The following PLD1 variants were observed in gnomAD, a reference collection of about 807,000 sequenced individuals.
PLD1 encodes phospholipase D1.
Under a neutral mutation model 137.1 loss-of-function variants are expected in PLD1, and 112 were observed. The observed-to-expected ratio is 0.82, with a 90% CI of 0.70 to 0.96. The LOEUF (loss-of-function observed/expected upper bound fraction) is 0.96, where lower values mean the gene tolerates loss of function less well. PLD1 is among the 40% of genes least tolerant of loss of function. The pLI is 0.00. For missense variants in PLD1, 1,321 were observed against 1,342.0 expected, an observed-to-expected ratio of 0.98 and a Z score of 0.24; for synonymous variants, 431 against 454.7, an observed-to-expected ratio of 0.95 and a Z score of 0.66.
chr3:171,761,743 A>C (rs761068322), intron 1 of PLD1, among the ~76,000 whole-genome samples: 1 of 152,202 alleles, frequency 6.6e-6, no homozygotes, highest in African/African-American at 2.4e-5. Context: ...CATTCTGTGA[A>C]GAATGTTCCA....
chr3:171,699,921 C>T (rs1291645028), intron 11 of PLD1, 95 bp from the exon 12 acceptor site: 2 of 906,800 alleles, frequency 2.2e-6, no homozygotes, highest in Admixed American at 1.8e-5. Flanking sequence ...CCCAATTCAA[C>T]CCCATTATCA....
intron 1 of PLD1, among the ~76,000 whole-genome samples, chr3:171,738,634 T>C (rs1719555553): frequency 6.6e-6 from 1 of 152,190 alleles, no homozygotes; most frequent in Non-Finnish European, 1.5e-5. Flanking sequence ...AGAAAGGAGA[T>C]TTTGGCCATG....
intron 11 of PLD1, among the ~76,000 whole-genome samples, chr3:171,703,718 C>T (rs1716435595): frequency 6.6e-6 from 1 of 152,134 alleles, no homozygotes; most frequent in African/African-American, 2.4e-5. Context: ...TACCACCTAA[C>T]CAGTGGTAAG....
chr3:171,799,221 C>T, intron 1 of PLD1, among the ~76,000 whole-genome samples: 1 of 151,468 alleles, frequency 6.6e-6, no homozygotes, highest in Non-Finnish European at 1.5e-5. Context: ...AGCCTGTAAT[C>T]GCAGCTACTC....
chr3:171,742,738 A>G (rs1231938462), intron 1 of PLD1, among the ~76,000 whole-genome samples: 1 of 152,194 alleles, frequency 6.6e-6, no homozygotes, highest in Admixed American at 6.5e-5. Flanking sequence ...AACTGACTTG[A>G]TGCTCTCTGA....
At chr3:171,635,509 G>A (rs941789600) in intron 23 of PLD1, among the ~76,000 whole-genome samples, 2 of 152,064 alleles carry the variant, frequency 1.3e-5, no homozygotes, top group African/African-American at 4.8e-5. Context: ...TGAATTTCTA[G>A]TGACTAGTGA....
intron 6 of PLD1, among the ~76,000 whole-genome samples, chr3:171,732,950 T>C (rs1168827922): frequency 6.6e-6 from 1 of 152,172 alleles, no homozygotes; most frequent in Non-Finnish European, 1.5e-5. Flanking sequence ...GTTTTTTCTT[T>C]CCTAGCTTTT....
Position 171,810,465 on chromosome 3 carries a change from G to T in PLD1, c.-98C>A, listed in dbSNP as rs1724068933. 1 of 152,074 alleles carries T rather than the reference G, an allele frequency of 6.6e-6. No individual in the cohort carries two copies. The highest frequency in any genetic ancestry group is 2.4e-5 in the African/African-American group (1 of 41,298). 9.4% of individuals were successfully genotyped at this position (152,074 alleles called of 1,614,324 possible). On this transcript the variant is annotated 5_prime_UTR_variant, in exon 1 of 27. Transcript: ENST00000351298. ...GGACTCTCAGGGCTCGGGTGCCTCT[G>T]GCACAGCTGGAGCTCAGCGGGAGGG...
chr3:171,693,291 C>T (rs1157917819), intron 12 of PLD1, among the ~76,000 whole-genome samples: 6 of 152,172 alleles, frequency 3.9e-5, no homozygotes, highest in South Asian at 2.1e-4. Flanking sequence ...CTTCTTACGA[C>T]GTCTGCACAT....
At chr3:171,769,931 C>T (rs556374631) in intron 1 of PLD1, among the ~76,000 whole-genome samples, 9 of 152,266 alleles carry the variant, frequency 5.9e-5, no homozygotes, top group Non-Finnish European at 1.3e-4. Flanking sequence ...ACTAAAGCAT[C>T]CTTAAAGTAA....
At chr3:171,754,876 G>C (rs755223301) in intron 1 of PLD1, among the ~76,000 whole-genome samples, 2 of 152,092 alleles carry the variant, frequency 1.3e-5, no homozygotes, top group Non-Finnish European at 2.9e-5. Context: ...CATCCTATCT[G>C]GTGAGACAGC....
rs201050946 is a variant in PLD1, at chr3:171,737,567, C to T, written c.253G>A (p.Val85Ile). Reference protein sequence around the residue: ...YLSGCPIKAQVLEVERFTSTT... With the variant: ...YLSGCPIKAQILEVERFTSTT... Reference sequence around the variant, plus strand: ...GATGTGAAGCGTTCCACTTCCAGAACTTGTGCTTTTATTGGACAGCCGGAG... The same window carrying T: ...GATGTGAAGCGTTCCACTTCCAGAATTTGTGCTTTTATTGGACAGCCGGAG... The change falls in exon 3 of 27, where the codon GTT (valine) becomes ATT (isoleucine). Residue 85 changes from valine to isoleucine, a missense_variant. By Grantham distance (29) the Val-to-Ile change is conservative (BLOSUM62 3). Transcript: ENST00000351298. 21 of 1,612,830 alleles carry T rather than the reference C, an allele frequency of 1.3e-5. No individual in the cohort carries two copies. The East Asian group carries it at 4.5e-4, about 34-fold the overall frequency.
At chr3:171,692,212 C>A in intron 13 of PLD1, 120 bp downstream of exon 13, 1 of 580,164 alleles carries the variant, frequency 1.7e-6, no homozygotes. Context: ...GGACACAATG[C>A]TATTTGATCA....
intron 1 of PLD1, among the ~76,000 whole-genome samples, chr3:171,743,457 A>G (rs572277909): frequency 1.3e-5 from 2 of 152,226 alleles, no homozygotes; most frequent in Admixed American, 1.3e-4. Context: ...CATGGAAGGC[A>G]TTAGCCAGTC....
rs1490011664 is a variant in PLD1 at position 171,773,418 on chromosome 3, C to G, written c.-31-35336G>C. ...TCAGCCTGACCAACATGGTGAAACC[C>G]CATCTAAACCCCGTCTCTACTAAAA... On this transcript the variant is annotated intron_variant, in intron 1 of 26. Coordinates refer to ENST00000351298, the MANE Select transcript of PLD1 (RefSeq NM_002662.5). 2.6e-5 allele frequency among the ~76,000 whole-genome samples: 4 copies of G among 152,090 alleles called. No homozygotes were observed. The East Asian group carries it at 7.8e-4, about 30-fold the overall frequency.
At chr3:171,635,583 T>C (rs1193695869) in intron 23 of PLD1, among the ~76,000 whole-genome samples, 1 of 152,118 alleles carries the variant, frequency 6.6e-6, no homozygotes, top group Non-Finnish European at 1.5e-5. Flanking sequence ...AATACCTGTT[T>C]AGCTGCTTTG....
At chr3:171,627,929 C>T (rs1734279634) in intron 23 of PLD1, among the ~76,000 whole-genome samples, 1 of 151,470 alleles carries the variant, frequency 6.6e-6, no homozygotes, top group African/African-American at 2.4e-5. Flanking sequence ...AAATTGATAC[C>T]CTAACATCAC....
chr3:171,658,163 G>A (rs1248159935), intron 21 of PLD1, among the ~76,000 whole-genome samples: 2 of 152,034 alleles, frequency 1.3e-5, no homozygotes, highest in Non-Finnish European at 2.9e-5. Context: ...ATCAAAGAGA[G>A]AGATAATAAT....
intron 1 of PLD1, among the ~76,000 whole-genome samples, chr3:171,745,273 T>G (rs780465633): frequency 6.6e-6 from 1 of 152,344 alleles, no homozygotes; most frequent in East Asian, 1.9e-4. Context: ...GTGCCTGTAC[T>G]GAAAGGCACG....
Sources: allele counts gnomAD v4.1 joint callset (sites outside exome capture counted in the v4.1 genomes callset), GRCh38; gene constraint gnomAD v4.1.1; transcripts MANE v1.5; gene names NCBI Gene and HGNC (gene_info 2026-07-23, HGNC 2026-07-21).